UGT1A5: variants seen among roughly 807,000 people sequenced by gnomAD.
UGT1A5 encodes UDP glucuronosyltransferase family 1 member A5, also known as UDP-glucuronosyltransferase 1A5.
In UGT1A5, 29 loss-of-function variants were observed where a neutral mutation model predicts 40.3. The ratio of observed to expected loss-of-function variants is 0.72; its 90% CI spans 0.54 to 0.98. UGT1A5 has a LOEUF of 0.98. Ranked by LOEUF, UGT1A5 falls within the 50% of genes least tolerant of loss-of-function variation. UGT1A5 has a pLI of 0.00. For synonymous variants in UGT1A5, 257 were observed against 262.5 expected (o/e 0.98, Z 0.20); for missense variants, 678 against 677.9 (o/e 1.00, Z 0.00).
chr2:233,769,890 A>C lies in UGT1A5; in HGVS notation c.1307+1451A>C. On this transcript the variant is annotated intron_variant, in intron 4 of 4. Transcript: ENST00000373414. This position sits in a 1 kb window ranked among gnomAD's most constrained non-coding sequence, Gnocchi z 4.4. Reference sequence around the variant, plus strand: ...AAAAAAAAAATGAAAAGTCCACATAACCTGAGCATCATGTGCCCAGAGCGT... The same window carrying C: ...AAAAAAAAAATGAAAAGTCCACATACCCTGAGCATCATGTGCCCAGAGCGT... 1 of 371,658 alleles carries C rather than the reference A, an allele frequency of 2.7e-6. No homozygotes were observed. 23.0% of individuals were successfully genotyped at this position (371,658 alleles called of 1,614,324 possible).
intron 1 of UGT1A5, chr2:233,760,235 T>C (rs1697361958): frequency 1.4e-5 from 17 of 1,221,898 alleles, no homozygotes; most frequent in Non-Finnish European, 1.8e-5. Context: ...GTTTTTGCCA[T>C]ATATATATAT....
In UGT1A5 at chr2:233,729,602, C is replaced by T. The variant is rs746977069; in HGVS notation, c.867+15744C>T. 10 of 1,613,864 alleles carry T rather than the reference C, an allele frequency of 6.2e-6. No homozygotes were observed. Among genetic ancestry groups the T allele is most frequent in the African/African-American group, 5.3e-5 (4 of 74,870 alleles). On this transcript the variant is annotated intron_variant, in intron 1 of 4. Coordinates refer to ENST00000373414, the MANE Select transcript of UGT1A5 (RefSeq NM_019078.2). ...ACAGACCCCGTTAACCTCTGCGCGG[C>T]AGTGCTGGCTAAGTACCTGTCGATT...
Position 233,729,793 on chromosome 2 carries a change from A to C in UGT1A5, c.867+15935A>C, listed in dbSNP as rs145403444. 3.6e-5 allele frequency: 58 copies of C among 1,613,368 alleles called. No homozygotes were observed. The African/African-American group carries it at 3.9e-4, about 11-fold the overall frequency. ...GCTCTACCCTCTGGCCCTGTCCTAC[A>C]TTTGCCATGCTTTTTCTGCTCCTTA... On this transcript the variant is annotated intron_variant, in intron 1 of 4. Transcript: ENST00000373414.
At chr2:233,748,125 T>A in intron 1 of UGT1A5, 1 of 1,610,546 alleles carries the variant, frequency 6.2e-7, no homozygotes, top group Middle Eastern at 2.0e-4. Context: ...GGCAAAACAG[T>A]TTTTAAAAAT....
At chr2:233,728,889 G>A (rs182630542) in intron 1 of UGT1A5, among the ~76,000 whole-genome samples, 41 of 152,264 alleles carry the variant, frequency 2.7e-4, no homozygotes, top group African/African-American at 9.4e-4. Context: ...TCCCCAGAGT[G>A]AGCACAGGGT....
Position 233,772,351 on chromosome 2 carries a change from T to C in UGT1A5, c.1397T>C (p.Val466Ala). 1 of 1,614,248 alleles carries C rather than the reference T, an allele frequency of 6.2e-7. No individual in the cohort carries two copies. The change falls in exon 5 of 5, where the codon GTG becomes GCG. Residue 466 changes from valine (V) to alanine (A), a missense_variant. Transcript: ENST00000373414. ...CTGGCCGTGTTCTGGGTGGAGTTTG[T>C]GATGAGGCACAAGGGCGCGCCACAC... ...LDLAVFWVEF[V>A]MRHKGAPHLR...
chr2:233,748,198 C>G, intron 1 of UGT1A5: 1 of 1,535,946 alleles, frequency 6.5e-7, no homozygotes, highest in Non-Finnish European at 8.8e-7. Flanking sequence ...TTCTGCTTGT[C>G]GTAATAGCCT....
At chr2:233,729,259 C>A (rs45625338) in intron 1 of UGT1A5, 1 of 1,613,960 alleles carries the variant, frequency 6.2e-7, no homozygotes, top group Admixed American at 1.7e-5. Context: ...GCTCAGCATG[C>A]GGGAGGTCTT....
chr2:233,732,117 C>A (rs2078240109), intron 1 of UGT1A5, among the ~76,000 whole-genome samples: 1 of 144,304 alleles, frequency 6.9e-6, no homozygotes, highest in Non-Finnish European at 1.5e-5. Context: ...CCTTTGCCCA[C>A]TTTTTGATGA....
chr2:233,723,019 G>C (rs1235467270), intron 1 of UGT1A5, among the ~76,000 whole-genome samples: 2 of 145,208 alleles, frequency 1.4e-5, no homozygotes, highest in Non-Finnish European at 3.0e-5. Flanking sequence ...ATGAGAAGGT[G>C]GAAGGGCCAG....
At chr2:233,726,279 G>C (rs566930046) in intron 1 of UGT1A5, among the ~76,000 whole-genome samples, 9 of 152,210 alleles carry the variant, frequency 5.9e-5, no homozygotes, top group Non-Finnish European at 1.2e-4. Flanking sequence ...TATGGTCCCA[G>C]GTACTTGGGA....
intron 1 of UGT1A5, among the ~76,000 whole-genome samples, chr2:233,764,942 G>T (rs12479045): frequency 6.6e-6 from 1 of 152,080 alleles, no homozygotes; most frequent in African/African-American, 2.4e-5. Flanking sequence ...TGAGAGTGGC[G>T]GGGAGAGAGG....
chr2:233,754,887 T>G (rs1212362818), intron 1 of UGT1A5: 2 of 1,351,202 alleles, frequency 1.5e-6, no homozygotes, highest in Non-Finnish European at 2.0e-6. Flanking sequence ...TCCCAGGGAG[T>G]TCCTCTGACC....
At chr2:233,751,878 G>C (rs139907629) in intron 1 of UGT1A5, among the ~76,000 whole-genome samples, 11 of 152,224 alleles carry the variant, frequency 7.2e-5, no homozygotes, top group African/African-American at 2.4e-4. Flanking sequence ...CCCCGTCTTG[G>C]GTATGTCTTT....
In UGT1A5 at chr2:233,754,967, C is replaced by T. The variant is rs562774815; in HGVS notation, c.868-12067C>T. ...ATGGGTCCCGGCCGCCAAAGAACTC[C>T]CTGAAGACCTCGGCGGGGTCACGGA... On this transcript the variant is annotated intron_variant, in intron 1 of 4. Coordinates refer to ENST00000373414, the MANE Select transcript of UGT1A5 (RefSeq NM_019078.2). 6 of 1,302,806 alleles carry T rather than the reference C, an allele frequency of 4.6e-6. No homozygotes were observed. In the African/African-American group the frequency reaches 7.5e-5, roughly 16 times the overall value. 80.7% of individuals were successfully genotyped at this position (1,302,806 alleles called of 1,614,324 possible). A position where few individuals can be genotyped will look rare whatever the true frequency, so the allele number is the denominator to read the frequency against.
intron 1 of UGT1A5, among the ~76,000 whole-genome samples, chr2:233,724,331 G>A (rs1366026275): frequency 6.4e-5 from 9 of 139,780 alleles, no homozygotes; most frequent in East Asian, 2.2e-4. Flanking sequence ...CTGGCCAGGC[G>A]GGGGGCTGAC....
At chr2:233,734,582 T>C (rs1259652945) in intron 1 of UGT1A5, among the ~76,000 whole-genome samples, 1 of 152,210 alleles carries the variant, frequency 6.6e-6, no homozygotes, top group African/African-American at 2.4e-5. Context: ...CTCTTGCTTA[T>C]CTAGTTCTTT....
intron 3 of UGT1A5, 107 bp from the exon 4 acceptor site, chr2:233,768,113 G>A (rs1271698331): frequency 1.3e-6 from 2 of 1,597,544 alleles, no homozygotes; most frequent in African/African-American, 2.7e-5. Context: ...TTTCTGCAAG[G>A]GCATGTGAGT....
In UGT1A5 at chr2:233,739,366, G is replaced by T. The variant is rs191477827; in HGVS notation, c.867+25508G>T. 3.4e-3 allele frequency among the ~76,000 whole-genome samples: 523 copies of T among 152,270 alleles called. 13 individuals carry two copies. Among genetic ancestry groups the T allele is most frequent in the East Asian group, 3.5e-3 (18 of 5,178 alleles). On this transcript the variant is annotated intron_variant, in intron 1 of 4. Transcript: ENST00000373414. Reference sequence around the variant, plus strand: ...CCCAGAAGGGCAGATCCAATAGCTTGCACTGTGTGCCTGGAAGAGCCACAG... The same window carrying T: ...CCCAGAAGGGCAGATCCAATAGCTTTCACTGTGTGCCTGGAAGAGCCACAG...
Sources: allele counts gnomAD v4.1 joint callset (sites outside exome capture counted in the v4.1 genomes callset), GRCh38; gene constraint gnomAD v4.1.1; non-coding constraint Gnocchi (gnomAD v3.1); transcripts MANE v1.5; gene names NCBI Gene and HGNC (gene_info 2026-07-23, HGNC 2026-07-21).